The following PFKP variants were observed in gnomAD, a reference collection of about 807,000 sequenced individuals.
PFKP encodes phosphofructokinase, platelet, also known as ATP-dependent 6-phosphofructokinase, platelet type.
PFKP carries 101 observed loss-of-function variants against 94.3 expected under a neutral mutation model. The ratio of observed to expected loss-of-function variants is 1.07; its 90% CI spans 0.91 to 1.26. The LOEUF (loss-of-function observed/expected upper bound fraction) is 1.26. Ranked by LOEUF, PFKP falls within the 50% of genes most tolerant of loss-of-function variation. PFKP has a pLI of 0.00. For missense variants in PFKP, 1,145 were observed against 1,103.3 expected (o/e 1.04, Z -0.53); for synonymous variants, 573 against 432.6 (o/e 1.32, Z -4.03).
rs535942742 is a variant in PFKP, at chr10:3,132,400, G to A, written c.1869G>A (p.Thr623=). The A allele has an allele frequency of 8.3e-5, 134 of 1,612,582 alleles. No homozygotes were observed. The highest frequency in any genetic ancestry group is 6.6e-4 in the Middle Eastern group (4 of 6,060). Residue 623 remains threonine (T), a synonymous_variant, in exon 18 of 22, where the codon ACG becomes ACA. Coordinates refer to ENST00000381125, the MANE Select transcript of PFKP (RefSeq NM_002627.5). The stretch of plus-strand genomic sequence containing the variant: ...TCCAGTCCAACGTGGAGCACCTGAC[G>A]GAGAAAATGAAGACCACCATCCAGA... ...RDLQSNVEHL[T]EKMKTTIQRG...
At chr10:3,095,965 G>T (rs1834445874) in intron 2 of PFKP, among the ~76,000 whole-genome samples, 1 of 152,150 alleles carries the variant, frequency 6.6e-6, no homozygotes, top group Non-Finnish European at 1.5e-5. Context: ...TTTTTTAATG[G>T]CTTTCTTTGC....
chr10:3,135,457 C>G (rs1244746859), intron 20 of PFKP, among the ~76,000 whole-genome samples: 1 of 152,160 alleles, frequency 6.6e-6, no homozygotes, highest in Non-Finnish European at 1.5e-5. Context: ...GTAATTTAAG[C>G]TAATTTCCCT....
intron 14 of PFKP, among the ~76,000 whole-genome samples, chr10:3,117,897 G>A (rs1180634426): frequency 6.6e-6 from 1 of 152,194 alleles, no homozygotes; most frequent in African/African-American, 2.4e-5. Flanking sequence ...GCATTCACTT[G>A]TCTGCTCTGA....
intron 16 of PFKP, chr10:3,129,247 C>A (rs1242427730): frequency 6.6e-6 from 1 of 152,228 alleles, no homozygotes; most frequent in Non-Finnish European, 1.5e-5. Flanking sequence ...GGAAGACTTC[C>A]CCAGGTGCCT....
At position 3,133,073 on chromosome 10, in the gene PFKP, C is replaced by T. The variant is rs182719647; in HGVS notation, c.1911-130C>T. The T allele has an allele frequency of 1.4e-4, 99 of 710,450 alleles. No homozygotes were observed. The African/African-American group carries it at 1.5e-3, about 11-fold the overall frequency. The allele number at this position is 710,450 out of a possible 1,614,324, so 44.0% of individuals were successfully genotyped here. A position where few individuals can be genotyped will look rare whatever the true frequency, so the allele number is the denominator to read the frequency against. On this transcript the variant is annotated intron_variant, in intron 18 of 21. Coordinates refer to ENST00000381125, the MANE Select transcript of PFKP (RefSeq NM_002627.5). ...AAAGCAAAACCGTGAACTGGAGGGA[C>T]TGGTGTTGATGTAGAATCACCATAG...
At chr10:3,122,762 G>C (rs1407686842) in intron 16 of PFKP, among the ~76,000 whole-genome samples, 1 of 152,076 alleles carries the variant, frequency 6.6e-6, no homozygotes, top group East Asian at 1.9e-4. Context: ...GGCTTCTATT[G>C]TTCAGAAAAT....
rs1037463449 is a variant in PFKP at position 3,119,910 on chromosome 10, G to A, written c.1549G>A (p.Glu517Lys). The A allele has an allele frequency of 1.2e-6, 2 of 1,614,126 alleles. No individual in the cohort carries two copies. The highest frequency in any genetic ancestry group is 3.3e-5 in the Admixed American group (2 of 60,024). Residue 517 changes from glutamate (E) to lysine (K), a missense_variant, in exon 16 of 22, where the codon GAG (glutamate) becomes AAG (lysine). Physicochemically the swap from Glu to Lys is moderately conservative, Grantham distance 56. Transcript: ENST00000381125. ...GGFEAYLGLL[E>K]LSAAREKHEE... The stretch of plus-strand genomic sequence containing the variant: ...CTGACAGGCCTACCTGGGACTCCTG[G>A]AGCTGTCAGCCGCCCGGGAGAAGCA...
Position 3,068,844 on chromosome 10 carries a change from C to T in PFKP, c.112+1137C>T, listed in dbSNP as rs116791676. ...AGCTGGGTTTTGATTTTTGTTTTCC[C>T]GGTTCCTCCTGCCGCAGATGCGTGG... On this transcript the variant is annotated intron_variant, in intron 1 of 21. Coordinates refer to ENST00000381125, the MANE Select transcript of PFKP (RefSeq NM_002627.5). 2.2e-3 allele frequency: 739 copies of T among 336,834 alleles called. 11 individuals are homozygous for T. The highest frequency in any genetic ancestry group is 0.014 in the African/African-American group (654 of 45,180). The allele number at this position is 336,834 out of a possible 1,614,324, so 20.9% of individuals were successfully genotyped here.
chr10:3,090,052 G>A (rs992220349), intron 2 of PFKP, among the ~76,000 whole-genome samples: 1 of 152,164 alleles, frequency 6.6e-6, no homozygotes, highest in African/African-American at 2.4e-5. Context: ...TTCCATCCAT[G>A]TTGCTCAGAA....
intron 3 of PFKP, among the ~76,000 whole-genome samples, chr10:3,100,673 G>A (rs935899270): frequency 4.6e-5 from 7 of 152,070 alleles, no homozygotes; most frequent in Admixed American, 3.9e-4. Context: ...GATCCCGTAC[G>A]GATGGAGTTT....
At chr10:3,130,996 A>G (rs936601498) in intron 17 of PFKP, among the ~76,000 whole-genome samples, 1 of 152,242 alleles carries the variant, frequency 6.6e-6, no homozygotes, top group Non-Finnish European at 1.5e-5. Context: ...CATTCACTGC[A>G]TCATGATGTT....
rs1457498333 is a variant in PFKP, at chr10:3,131,451, T to C, written c.1849-929T>C. ...AGGGCTTAAGAGAAATTATGACAGA[T>C]TTTTATTTTTTGCTTTAATTTTTGA... is the stretch of plus-strand genomic sequence containing the variant. On this transcript the variant is annotated intron_variant, in intron 17 of 21. Coordinates refer to ENST00000381125, the MANE Select transcript of PFKP (RefSeq NM_002627.5). Among the ~76,000 whole-genome samples the C allele has an allele frequency of 9.2e-5, 14 of 152,200 alleles. 1 individual carries two copies. The South Asian group carries it at 1.0e-3, about 11-fold the overall frequency.
intron 17 of PFKP, among the ~76,000 whole-genome samples, chr10:3,131,603 C>A (rs1237088200): frequency 6.6e-6 from 1 of 152,032 alleles, no homozygotes. Flanking sequence ...ACTACAGGCA[C>A]CTGCCACCAC....
In PFKP at chr10:3,102,257, A is replaced by AAAAAAAAAAC. The variant is rs1443686676; in HGVS notation, c.454+712_454+713insCAAAAAAAAA. Among the ~76,000 whole-genome samples the AAAAAAAAAAC allele has an allele frequency of 2.1e-5, 3 of 140,954 alleles. 1 individual carries two copies. The highest frequency in any genetic ancestry group is 4.5e-5 in the Non-Finnish European group (3 of 65,986). The allele number at this position is 140,954 out of a possible 152,430, so 92.5% of individuals were successfully genotyped here. Reference sequence around the variant, plus strand: ...CAGAGCGAGACTCTGTCTCAAAAAAAAAAAAAAAAAAAAAAACTGAAGTTG... The same window carrying AAAAAAAAAAC: ...CAGAGCGAGACTCTGTCTCAAAAAAAAAAAAAAAACAAAAAAAAAAAAAAAACTGAAGTTG... On this transcript the variant is annotated intron_variant, in intron 4 of 21. Transcript: ENST00000381125.
At chr10:3,075,387 G>T (rs541408176) in intron 1 of PFKP, among the ~76,000 whole-genome samples, 41 of 151,868 alleles carry the variant, frequency 2.7e-4, no homozygotes, top group African/African-American at 9.4e-4. Context: ...AAAGTCAAGA[G>T]GTACACAGTA....
At chr10:3,093,636 A>ATTTTTTT (rs1834231027) in intron 2 of PFKP, among the ~76,000 whole-genome samples, 4 of 98,778 alleles carry the variant, frequency 4.0e-5, no homozygotes, top group African/African-American at 1.7e-4. Context: ...AACAAGCATT[A>ATTTTTTT]TCTTTTTTTT....
At chr10:3,089,010 C>G (rs1833844159) in intron 2 of PFKP, among the ~76,000 whole-genome samples, 1 of 152,264 alleles carries the variant, frequency 6.6e-6, no homozygotes, top group East Asian at 1.9e-4. Context: ...TCGCTCACTG[C>G]AACCTCTGCC....
At position 3,122,077 on chromosome 10, in the gene PFKP, G is replaced by A. The variant is rs541899992; in HGVS notation, c.1683+2033G>A. On this transcript the variant is annotated intron_variant, in intron 16 of 21. Coordinates refer to ENST00000381125, the MANE Select transcript of PFKP (RefSeq NM_002627.5). ...GGCTCAAGCAATCCCCCTGTCTTGGGCTCTCAAAGCACAGGGGTTACAGGG... is the reference window on the plus strand; with the variant it reads ...GGCTCAAGCAATCCCCCTGTCTTGGACTCTCAAAGCACAGGGGTTACAGGG... Among the ~76,000 whole-genome samples the A allele has an allele frequency of 1.2e-4, 18 of 151,964 alleles. No homozygotes were observed. In the South Asian group the frequency reaches 3.5e-3, roughly 30 times the overall value.
intron 18 of PFKP, 81 bp from the exon 19 acceptor site, chr10:3,133,122 C>T (rs1470086116): frequency 2.1e-6 from 2 of 960,034 alleles, no homozygotes; most frequent in African/African-American, 3.2e-5. Context: ...GGGAGTCCAG[C>T]CTCCCAGGGC....
Sources: allele counts gnomAD v4.1 joint callset (sites outside exome capture counted in the v4.1 genomes callset), GRCh38; gene constraint gnomAD v4.1.1; transcripts MANE v1.5; gene names NCBI Gene and HGNC (gene_info 2026-07-23, HGNC 2026-07-21).